Variants in NEDD1 observed in about 807,000 individuals in gnomAD.
The protein encoded by NEDD1 is NEDD1 gamma-tubulin ring complex targeting factor, also known as protein NEDD1.
Under a neutral mutation model 74.0 loss-of-function variants are expected in NEDD1, and 33 were observed. The ratio of observed to expected loss-of-function variants is 0.45; its 90% CI spans 0.34 to 0.60. The LOEUF (loss-of-function observed/expected upper bound fraction) is 0.60. NEDD1 is among the 20% of genes least tolerant of loss of function. NEDD1 has a pLI of 0.01. For synonymous variants in NEDD1, 250 were observed against 264.4 expected, an observed-to-expected ratio of 0.95 and a Z score of 0.53; for missense variants, 746 against 776.5, an observed-to-expected ratio of 0.96 and a Z score of 0.47.
At chr12:96,933,283 A>G (rs1485861365) in intron 6 of NEDD1, among the ~76,000 whole-genome samples, 1 of 152,106 alleles carries the variant, frequency 6.6e-6, no homozygotes, top group Admixed American at 6.6e-5. Flanking sequence ...TAAAAATTCT[A>G]CTTGTGTATT....
At chr12:96,923,895 A>G (rs1235929257) in intron 6 of NEDD1, among the ~76,000 whole-genome samples, 1 of 150,764 alleles carries the variant, frequency 6.6e-6, no homozygotes, top group East Asian at 2.0e-4. Flanking sequence ...AATTTAATGA[A>G]GTCTCATATG....
At chr12:96,934,482 C>CTTTCT (rs574648254) in intron 6 of NEDD1, among the ~76,000 whole-genome samples, 7 of 150,852 alleles carry the variant, frequency 4.6e-5, no homozygotes, top group Non-Finnish European at 1.0e-4. Flanking sequence ...ATTTGTTACC[C>CTTTCT]TTTCTTTTCT....
intron 14 of NEDD1, among the ~76,000 whole-genome samples, chr12:96,949,969 A>G (rs1176112541): frequency 6.6e-6 from 1 of 152,096 alleles, no homozygotes; most frequent in Non-Finnish European, 1.5e-5. Flanking sequence ...ATAAAAATAC[A>G]TTGGTAAATT....
At chr12:96,946,283 TA>T (rs201372474) in intron 14 of NEDD1, among the ~76,000 whole-genome samples, 1 of 152,040 alleles carries the variant, frequency 6.6e-6, no homozygotes, top group Non-Finnish European at 1.5e-5. Flanking sequence ...ATACTTAATC[TA>T]AAAAAAATTC....
chr12:96,952,039 C>CGG lies in NEDD1; in HGVS notation c.1971_1972dup (p.Ala658GlyfsTer26). 1.3e-6 allele frequency: 2 copies of CGG among 1,592,080 alleles called. No individual in the cohort carries two copies. The highest frequency in any genetic ancestry group is 1.7e-6 in the Non-Finnish European group (2 of 1,162,232). On this transcript the variant is annotated frameshift_variant, in exon 16 of 16. Coordinates refer to ENST00000266742, the MANE Select transcript of NEDD1 (RefSeq NM_152905.4). LOFTEE classifies it high-confidence loss of function. ...ACTACGAGAAGAAAACAAAAGATTA[C>CGG]GGGCCCACTTTTGAAATTTCAGTGA...
chr12:96,936,166 G>C (rs1877066711), intron 7 of NEDD1, among the ~76,000 whole-genome samples: 1 of 152,146 alleles, frequency 6.6e-6, no homozygotes, highest in Admixed American at 6.5e-5. Context: ...GTACAACTAA[G>C]AACAAAGTAA....
intron 4 of NEDD1, among the ~76,000 whole-genome samples, chr12:96,914,099 CTT>C (rs1243126846): frequency 6.6e-6 from 1 of 152,170 alleles, no homozygotes; most frequent in Non-Finnish European, 1.5e-5. Context: ...TTTAACCTGA[CTT>C]AAGCAGAATC....
At chr12:96,945,127 G>A (rs1479222679) in intron 13 of NEDD1, among the ~76,000 whole-genome samples, 1 of 151,970 alleles carries the variant, frequency 6.6e-6, no homozygotes, top group Non-Finnish European at 1.5e-5. Flanking sequence ...TCATATTAAA[G>A]TCTTATCCTT....
At chr12:96,938,129 GT>G (rs555827019) in intron 9 of NEDD1, among the ~76,000 whole-genome samples, 3 of 150,316 alleles carry the variant, frequency 2.0e-5, no homozygotes, top group East Asian at 1.9e-4. Context: ...ATTTATTGGT[GT>G]TTTTTTTTAG....
chr12:96,936,855 ATCT>A, intron 8 of NEDD1, 43 bp downstream of exon 8: 2 of 1,236,152 alleles, frequency 1.6e-6, no homozygotes, highest in Non-Finnish European at 2.3e-6. Flanking sequence ...TATTAAATAA[ATCT>A]AACTCAGAAT....
rs372543480 is a variant in NEDD1, at chr12:96,917,786, A to G, written c.348+49A>G. On this transcript the variant is annotated intron_variant, in intron 5 of 15. Coordinates refer to ENST00000266742, the MANE Select transcript of NEDD1 (RefSeq NM_152905.4). ...CATGAAAAAATGGATATCTTAATGCATTTAGAGTACTTACCAAGCTTTTAT... is the reference window on the plus strand; with the variant it reads ...CATGAAAAAATGGATATCTTAATGCGTTTAGAGTACTTACCAAGCTTTTAT... 84 of 1,508,496 alleles carry G rather than the reference A, an allele frequency of 5.6e-5. 1 individual carries two copies. The highest frequency in any genetic ancestry group is 6.5e-5 in the Non-Finnish European group (74 of 1,136,222). The allele number at this position is 1,508,496 out of a possible 1,614,324, so 93.4% of individuals were successfully genotyped here. A position where few individuals can be genotyped will look rare whatever the true frequency, so the allele number is the denominator to read the frequency against.
intron 6 of NEDD1, among the ~76,000 whole-genome samples, chr12:96,922,307 AAG>A (rs1491182597): frequency 1.8e-5 from 2 of 113,708 alleles, no homozygotes; most frequent in Admixed American, 9.2e-5. Context: ...TATTTTGATA[AAG>A]AGAGACATAA....
At chr12:96,943,091 T>C (rs1877830117) in intron 11 of NEDD1, among the ~76,000 whole-genome samples, 1 of 151,992 alleles carries the variant, frequency 6.6e-6, no homozygotes, top group African/African-American at 2.4e-5. Context: ...TTACTTTTGT[T>C]AGAAGCAAGT....
Position 96,943,601 on chromosome 12 carries a change from A to C in NEDD1, c.1336A>C (p.Arg446=). Residue 446 remains arginine (R), a synonymous_variant, in exon 12 of 16, where the codon AGA becomes CGA. Transcript: ENST00000266742. ...LPQLNSVFPP[R]KNPVTSSTSV... is the part of the protein sequence containing the mutation. ...GCAGTTGAACTCAGTGTTTCCTCCA[A>C]GAAAAAATCCAGTAACTTCAAGTAC... 6.2e-7 allele frequency: 1 copy of C among 1,613,408 alleles called. No individual in the cohort carries two copies.
intron 14 of NEDD1, 105 bp from the exon 15 acceptor site, chr12:96,951,327 T>C: frequency 1.7e-6 from 1 of 586,788 alleles, no homozygotes; most frequent in Non-Finnish European, 3.1e-6. Flanking sequence ...TAGTAATTAT[T>C]AACATTCAGT....
At position 96,953,453 on chromosome 12, in the gene NEDD1, T is replaced by A. The variant is rs1342511580; in HGVS notation, c.*1400T>A. ...AAAGCATTATGACTTGTAACAAGTT[T>A]CCTTGTATATCACTAACAGGTTTAG... On this transcript the variant is annotated 3_prime_UTR_variant, in exon 16 of 16. Transcript: ENST00000266742. The A allele has an allele frequency of 6.6e-6, 1 of 151,846 alleles. No homozygotes were observed. The highest frequency in any genetic ancestry group is 1.5e-5 in the Non-Finnish European group (1 of 67,810). The allele number at this position is 151,846 out of a possible 1,614,324, so 9.4% of individuals were successfully genotyped here. A position where few individuals can be genotyped will look rare whatever the true frequency, so the allele number is the denominator to read the frequency against.
Position 96,917,655 on chromosome 12 carries a change from C to G in NEDD1, c.266C>G (p.Ser89Cys), listed in dbSNP as rs768761470. The change falls in exon 5 of 16, where the codon TCT (serine) becomes TGT (cysteine). Residue 89 changes from serine (S) to cysteine (C), a missense_variant. By Grantham distance (112) the Ser-to-Cys change is moderately radical. Around this residue, in one of 3 missense-constraint regions of NEDD1, gnomAD observed 706 missense variants for 706.7 expected, o/e 1.00. Coordinates refer to ENST00000266742, the MANE Select transcript of NEDD1 (RefSeq NM_152905.4). Reference sequence around the variant, plus strand: ...ACATGTGTCAATTTAAATTCTACATCTATGTATTTGGTAAGCGGAGGCCTA... The same window carrying G: ...ACATGTGTCAATTTAAATTCTACATGTATGTATTTGGTAAGCGGAGGCCTA... ...KQTCVNLNST[S>C]MYLVSGGLNN... The G allele has an allele frequency of 2.0e-5, 31 of 1,525,980 alleles. No individual in the cohort carries two copies. The South Asian group carries it at 3.9e-4, about 19-fold the overall frequency. 94.5% of individuals were successfully genotyped at this position (1,525,980 alleles called of 1,614,324 possible).
chr12:96,933,182 A>G (rs1019112259), intron 6 of NEDD1, among the ~76,000 whole-genome samples: 1 of 152,098 alleles, frequency 6.6e-6, no homozygotes, highest in African/African-American at 2.4e-5. Context: ...CCATGTTTTA[A>G]GGATGTTGTA....
At chr12:96,919,288 C>G (rs1041953460) in intron 5 of NEDD1, among the ~76,000 whole-genome samples, 1 of 152,024 alleles carries the variant, frequency 6.6e-6, no homozygotes, top group Non-Finnish European at 1.5e-5. Flanking sequence ...GGAATTGAGT[C>G]CTGGCCCTGT....
Sources: gnomAD v4.1 joint callset for allele counts (sites outside exome capture counted in the v4.1 genomes callset) on GRCh38, gnomAD v4.1.1 for gene constraint, gnomAD v4.1.1 regional missense constraint, MANE v1.5 for transcripts, NCBI Gene and HGNC (gene_info 2026-07-23, HGNC 2026-07-21) for gene names.